Variants in PCDH15 observed in about 807,000 individuals in gnomAD.
The protein encoded by PCDH15 is protocadherin related 15.
Under a neutral mutation model 178.5 loss-of-function variants are expected in PCDH15, and 129 were observed. The observed-to-expected ratio is 0.72, with a 90% CI of 0.63 to 0.84. PCDH15 has a LOEUF of 0.84. PCDH15 is among the 40% of genes least tolerant of loss of function. The pLI is 0.00. For synonymous variants in PCDH15, 800 were observed against 732.0 expected (o/e 1.09, Z -1.50); for missense variants, 2,230 against 2,099.9 (o/e 1.06, Z -1.21).
intron 3 of PCDH15, among the ~76,000 whole-genome samples, chr10:54,839,995 G>T (rs1953389651): frequency 6.6e-6 from 1 of 151,820 alleles, no homozygotes; most frequent in African/African-American, 2.4e-5. Flanking sequence ...AAACACACAT[G>T]AACACACACA....
At chr10:53,898,912 A>G (rs539269183) in intron 26 of PCDH15, among the ~76,000 whole-genome samples, 3 of 152,322 alleles carry the variant, frequency 2.0e-5, no homozygotes, top group East Asian at 3.9e-4. Flanking sequence ...GAAATAGCCA[A>G]CTAATGGTGT....
intron 29 of PCDH15, among the ~76,000 whole-genome samples, chr10:53,838,076 C>T (rs951998219): frequency 9.2e-5 from 14 of 151,694 alleles, no homozygotes; most frequent in African/African-American, 3.1e-4. Context: ...CCTGGGTTCA[C>T]GCCATTCTCC....
intron 5 of PCDH15, among the ~76,000 whole-genome samples, chr10:54,367,436 T>C (rs1388697930): frequency 1.3e-5 from 2 of 152,142 alleles, no homozygotes; most frequent in East Asian, 1.9e-4. Flanking sequence ...ATAGGATGCT[T>C]TGAACTTCAA....
At chr10:53,885,655 A>C (rs1330499830) in intron 26 of PCDH15, among the ~76,000 whole-genome samples, 1 of 152,188 alleles carries the variant, frequency 6.6e-6, no homozygotes, top group Non-Finnish European at 1.5e-5. Context: ...TGCTAAGATA[A>C]TACTACTCAT....
In PCDH15 at chr10:54,428,649, T is replaced by C. The variant is rs73251862; in HGVS notation, c.158-49707A>G. Reference sequence around the variant, plus strand: ...GCATTGAGGCATTCGATAATCATACTCCCAAAGGTCAAGGATAAAGAAAAT... The same window carrying C: ...GCATTGAGGCATTCGATAATCATACCCCCAAAGGTCAAGGATAAAGAAAAT... On this transcript the variant is annotated intron_variant, in intron 3 of 37. Transcript: ENST00000644397. 8.0e-3 allele frequency among the ~76,000 whole-genome samples: 1,219 copies of C among 152,042 alleles called. 16 individuals are homozygous for C. Among genetic ancestry groups the C allele is most frequent in the African/African-American group, 0.028 (1,150 of 41,456 alleles).
chr10:55,520,582 A>T (rs1589105886), intron 2 of PCDH15, among the ~76,000 whole-genome samples: 1 of 150,352 alleles, frequency 6.7e-6, no homozygotes, highest in South Asian at 2.1e-4. Flanking sequence ...AACATAAATC[A>T]TTCTTATTCT....
intron 2 of PCDH15, among the ~76,000 whole-genome samples, chr10:54,936,772 C>A (rs1489068067): frequency 6.7e-6 from 1 of 149,206 alleles, no homozygotes. Context: ...GGAAACAAGT[C>A]TTTTATTATA....
At chr10:53,933,571 C>T (rs1274576148) in intron 25 of PCDH15, among the ~76,000 whole-genome samples, 5 of 151,878 alleles carry the variant, frequency 3.3e-5, no homozygotes, top group African/African-American at 4.8e-5. Context: ...TCCAGACTAT[C>T]GTTGTTGGAC....
chr10:54,851,310 A>T (rs2131766204), intron 3 of PCDH15, among the ~76,000 whole-genome samples: 1 of 152,256 alleles, frequency 6.6e-6, no homozygotes, highest in East Asian at 1.9e-4. Context: ...TGCTAAAAAG[A>T]CTAAAAAACA....
In PCDH15 at chr10:55,228,221, A is replaced by C. The variant is rs1841109318; in HGVS notation, c.-155-61570T>G. Among the ~76,000 whole-genome samples, 2 of 152,136 alleles carry C rather than the reference A, an allele frequency of 1.3e-5. 1 individual carries two copies. Among genetic ancestry groups the C allele is most frequent in the African/African-American group, 4.8e-5 (2 of 41,402 alleles). ...CATACATCATGCACTGTAAGGTAAC[A>C]TCAATAAATCACTTATTATGTATAT... On this transcript the variant is annotated intron_variant, in intron 1 of 5. Transcript: ENST00000458638.
chr10:55,084,507 T>G (rs111992747), intron 2 of PCDH15, among the ~76,000 whole-genome samples: 3 of 149,530 alleles, frequency 2.0e-5, no homozygotes, highest in African/African-American at 7.4e-5. Flanking sequence ...CTCCAGGACA[T>G]AGATCAAGGC....
chr10:54,722,572 T>C (rs1941802275), intron 1 of PCDH15, among the ~76,000 whole-genome samples: 1 of 131,916 alleles, frequency 7.6e-6, no homozygotes, highest in Non-Finnish European at 1.7e-5. Context: ...GGCATTGCAA[T>C]TGGGACCAAA....
intron 2 of PCDH15, among the ~76,000 whole-genome samples, chr10:54,901,747 A>G (rs1033798913): frequency 6.6e-6 from 1 of 152,168 alleles, no homozygotes; most frequent in Admixed American, 6.6e-5. Flanking sequence ...TTGTGAATAT[A>G]TAGTTAAGAT....
intron 15 of PCDH15, among the ~76,000 whole-genome samples, chr10:54,117,338 G>C (rs928174778): frequency 3.9e-5 from 6 of 152,086 alleles, no homozygotes; most frequent in African/African-American, 9.7e-5. Context: ...TGGATGAGGG[G>C]AATATGGTGG....
intron 2 of PCDH15, among the ~76,000 whole-genome samples, chr10:54,963,988 A>C (rs1275760105): frequency 6.6e-6 from 1 of 152,152 alleles, no homozygotes; most frequent in African/African-American, 2.4e-5. Context: ...ATGTAACTAC[A>C]TGTGGGGAAA....
chr10:55,085,483 A>G (rs997149156), intron 2 of PCDH15, among the ~76,000 whole-genome samples: 11 of 151,890 alleles, frequency 7.2e-5, no homozygotes, highest in Admixed American at 2.0e-4. Flanking sequence ...TAACTAAAAG[A>G]GTATAATTGG....
At chr10:55,222,730 C>CACACACACACATAT in intron 1 of PCDH15, among the ~76,000 whole-genome samples, 7 of 121,240 alleles carry the variant, frequency 5.8e-5, no homozygotes, top group African/African-American at 1.7e-4. Context: ...CACACACACA[C>CACACACACACATAT]ATATATATAT....
intron 28 of PCDH15, among the ~76,000 whole-genome samples, chr10:53,844,834 GA>G (rs1304177404): frequency 6.6e-6 from 1 of 151,900 alleles, no homozygotes; most frequent in Non-Finnish European, 1.5e-5. Flanking sequence ...GATTTTGTAA[GA>G]CTCCAAAGAA....
At chr10:54,480,183 T>C (rs1170153333) in intron 3 of PCDH15, among the ~76,000 whole-genome samples, 2 of 152,130 alleles carry the variant, frequency 1.3e-5, no homozygotes. Context: ...CTGATAATTA[T>C]GAATAACAGC....
Sources: gnomAD v4.1 joint callset for allele counts (sites outside exome capture counted in the v4.1 genomes callset) on GRCh38, gnomAD v4.1.1 for gene constraint, MANE v1.5 for transcripts, NCBI Gene and HGNC (gene_info 2026-07-23, HGNC 2026-07-21) for gene names.